PRDM15: variants seen among roughly 807,000 people sequenced by gnomAD.
The protein encoded by PRDM15 is PR domain zinc finger protein 15.
In PRDM15, 64 loss-of-function variants were observed where a neutral mutation model predicts 128.6. That is an observed-to-expected ratio of 0.50 (90% CI 0.41 to 0.61). The LOEUF is 0.61. Ranked by LOEUF, PRDM15 falls within the 20% of genes least tolerant of loss-of-function variation. The pLI, the probability that PRDM15 is intolerant of heterozygous loss-of-function variation, is 0.00. For synonymous variants in PRDM15, 615 were observed against 621.8 expected (o/e 0.99, Z 0.16); for missense variants, 1,242 against 1,569.1 (o/e 0.79, Z 3.52).
intron 14 of PRDM15, 98 bp from the exon 15 acceptor site, chr21:41,822,135 G>C: frequency 6.5e-7 from 1 of 1,531,542 alleles, no homozygotes; most frequent in Non-Finnish European, 8.9e-7. Flanking sequence ...CCCAGATGCA[G>C]AAGAAAATGC....
Position 41,854,471 on chromosome 21 carries a change from C to T in PRDM15, c.538+95G>A. 1 of 1,486,896 alleles carries T rather than the reference C, an allele frequency of 6.7e-7. No homozygotes were observed. The highest frequency in any genetic ancestry group is 9.1e-7 in the Non-Finnish European group (1 of 1,103,140). 92.1% of individuals were successfully genotyped at this position (1,486,896 alleles called of 1,614,324 possible). A position where few individuals can be genotyped will look rare whatever the true frequency, so the allele number is the denominator to read the frequency against. On this transcript the variant is annotated intron_variant, in intron 5 of 23. Transcript: ENST00000398548. This position sits in a 1 kb window ranked among gnomAD's most constrained non-coding sequence, Gnocchi z 4.6. ...CAGCAGCTGGCCCAGCCCAACCCAT[C>T]TCATCAGTGTGGGGTCAGCACAGAG...
At chr21:41,877,898 G>A (rs1029822566) in intron 1 of PRDM15, among the ~76,000 whole-genome samples, 1 of 152,244 alleles carries the variant, frequency 6.6e-6, no homozygotes, top group Non-Finnish European at 1.5e-5. Context: ...TTTTGCTCTT[G>A]AAAGTCTAAA....
intron 6 of PRDM15, among the ~76,000 whole-genome samples, chr21:41,841,034 G>A (rs2063059713): frequency 6.6e-6 from 1 of 152,090 alleles, no homozygotes; most frequent in Admixed American, 6.5e-5. Context: ...AAGACATGAA[G>A]TGTAATATAA....
chr21:41,844,084 C>T (rs1173715576), intron 6 of PRDM15, among the ~76,000 whole-genome samples: 3 of 151,960 alleles, frequency 2.0e-5, no homozygotes, highest in African/African-American at 7.3e-5. Context: ...AAAACCTCTT[C>T]AATAGCCCTT....
chr21:41,878,791 C>T (rs908849937), intron 1 of PRDM15: 41 of 1,308,464 alleles, frequency 3.1e-5, no homozygotes, highest in Non-Finnish European at 3.7e-5. Flanking sequence ...AACGACATCC[C>T]CTGGGGCCTC....
chr21:41,802,570 C>T (rs2146135609), intron 23 of PRDM15, 142 bp downstream of exon 23: 1 of 727,202 alleles, frequency 1.4e-6, no homozygotes, highest in Non-Finnish European at 2.4e-6. Context: ...AAGTGAAAAA[C>T]AGAATGTCTG....
intron 3 of PRDM15, among the ~76,000 whole-genome samples, chr21:41,857,828 G>A (rs771823823): frequency 5.3e-5 from 8 of 152,256 alleles, no homozygotes; most frequent in Non-Finnish European, 1.0e-4. Context: ...CTGAGGTTGT[G>A]ATGATGCCCT....
chr21:41,857,214 C>A lies in PRDM15; in HGVS notation c.247G>T (p.Val83Phe). 1 of 1,613,724 alleles carries A rather than the reference C, an allele frequency of 6.2e-7. No homozygotes were observed. Among genetic ancestry groups the A allele is most frequent in the Non-Finnish European group, 8.5e-7 (1 of 1,179,852 alleles). Residue 83 changes from valine to phenylalanine, a missense_variant, in exon 4 of 24, where the codon GTC becomes TTC. This residue lies in a region of PRDM15 where 612 missense variants were observed against 717.0 expected (regional missense o/e 0.85). Coordinates refer to ENST00000398548, the MANE Select transcript of PRDM15 (RefSeq NM_001040424.3). ...GCAGACTCCTTTTCCCATTTGGCGACCCTCCTGGACTCAAAGGGACCGAAC... is the reference window on the plus strand; with the variant it reads ...GCAGACTCCTTTTCCCATTTGGCGAACCTCCTGGACTCAAAGGGACCGAAC... ...TQFGPFESRR[V>F]AKWEKESAFP...
chr21:41,863,374 T>C (rs1036287605), intron 1 of PRDM15: 3 of 152,096 alleles, frequency 2.0e-5, no homozygotes, highest in Non-Finnish European at 4.4e-5. Flanking sequence ...GGCCCTGCAC[T>C]CTGTTTGCAA....
chr21:41,861,536 C>CG (rs2063809045), intron 1 of PRDM15: 2 of 1,532,066 alleles, frequency 1.3e-6, no homozygotes, highest in East Asian at 4.6e-5. Context: ...CCTCCTCTGC[C>CG]CCCCCCCAAT....
chr21:41,821,287 T>C lies in PRDM15; in HGVS notation c.1897-57A>G. The C allele has an allele frequency of 1.2e-6, 2 of 1,603,090 alleles. No homozygotes were observed. Among genetic ancestry groups the C allele is most frequent in the Non-Finnish European group, 1.7e-6 (2 of 1,173,532 alleles). ...ACCCGCATGAGGTCCCTGGTCCTCTTAGCTAATGAGGTCGTGTCCACAAAC... is the reference window on the plus strand; with the variant it reads ...ACCCGCATGAGGTCCCTGGTCCTCTCAGCTAATGAGGTCGTGTCCACAAAC... On this transcript the variant is annotated intron_variant, in intron 15 of 23. Transcript: ENST00000398548. This position sits in a 1 kb window ranked among gnomAD's most constrained non-coding sequence, Gnocchi z 5.4.
rs750609158 is a variant in PRDM15, at chr21:41,871,533, C to T, written c.-10+7737G>A. 52 of 1,610,986 alleles carry T rather than the reference C, an allele frequency of 3.2e-5. No individual in the cohort carries two copies. The highest frequency in any genetic ancestry group is 1.2e-4 in the Admixed American group (7 of 59,960). ...GGATTGCGTCGCAGGCCTGCACTCG[C>T]AGGGCTCAGTGGCTCAGTGTCGGAC... On this transcript the variant is annotated intron_variant, in intron 1 of 23. Transcript: ENST00000398548.
chr21:41,823,134 A>T, intron 14 of PRDM15, 184 bp downstream of exon 14: 1 of 757,606 alleles, frequency 1.3e-6, no homozygotes, highest in East Asian at 2.8e-5. Context: ...ACGAACCAGG[A>T]AGTGAGCCTC....
In PRDM15 at chr21:41,847,102, G is replaced by A; in HGVS notation, c.628C>T (p.Gln210Ter). ...KVCSATFLEL[Q>*]LLNEHLLGHL... ...ACGTCCTCCTTACCATTGAGGAGCTGCAGCTCCAGGAAGGTGGCAGAACAC... is the reference window on the plus strand; with the variant it reads ...ACGTCCTCCTTACCATTGAGGAGCTACAGCTCCAGGAAGGTGGCAGAACAC... Residue 210 changes from glutamine to a stop codon, truncating the protein, a stop_gained, in exon 6 of 24, where the codon CAG becomes TAG. Coordinates refer to ENST00000398548, the MANE Select transcript of PRDM15 (RefSeq NM_001040424.3). LOFTEE classifies it high-confidence loss of function. 6.4e-7 allele frequency: 1 copy of A among 1,550,604 alleles called. No homozygotes were observed. The highest frequency in any genetic ancestry group is 1.2e-5 in the South Asian group (1 of 84,052).
chr21:41,823,263 T>A, intron 14 of PRDM15, 55 bp downstream of exon 14: 1 of 1,588,690 alleles, frequency 6.3e-7, no homozygotes, highest in African/African-American at 1.3e-5. Context: ...TGACAGACGC[T>A]GGCCTGGGGG....
chr21:41,815,978 C>G, intron 18 of PRDM15, 142 bp from the exon 19 acceptor site: 1 of 1,035,596 alleles, frequency 9.7e-7, no homozygotes, highest in East Asian at 2.6e-5. Context: ...GGATCCCGGT[C>G]AGTCCACCAG....
rs2146392294 is a variant in PRDM15, at chr21:41,821,477, C to G, written c.1897-247G>C. On this transcript the variant is annotated intron_variant, in intron 15 of 23. Transcript: ENST00000398548. The surrounding 1 kb of genome is among the most constrained non-coding windows in gnomAD (Gnocchi z 5.4). ...CACCCTCCTTTTTGGAGAGCCCCTT[C>G]CATGCACAGGGGAGGCCTCGTGAGG... Among the ~76,000 whole-genome samples the G allele has an allele frequency of 1.3e-5, 2 of 152,288 alleles. No homozygotes were observed. The highest frequency in any genetic ancestry group is 4.1e-4 in the South Asian group (2 of 4,826).
In PRDM15 at chr21:41,802,759, C is replaced by T; in HGVS notation, c.2896G>A (p.Gly966Ser). 1.2e-6 allele frequency: 2 copies of T among 1,614,230 alleles called. No homozygotes were observed. The highest frequency in any genetic ancestry group is 1.7e-6 in the Non-Finnish European group (2 of 1,180,046). The change falls in exon 23 of 24, where the codon GGC (glycine) becomes AGC (serine). Residue 966 changes from glycine to serine, a missense_variant. Around this residue, in one of 3 missense-constraint regions of PRDM15, gnomAD observed 602 missense variants for 788.3 expected, o/e 0.76. Coordinates refer to ENST00000398548, the MANE Select transcript of PRDM15 (RefSeq NM_001040424.3). ...GAATTGGTCTCGTCGCCTACACTGC[C>T]TGTGAACTCCGTCTCTTTCTCTGAG... is the stretch of plus-strand genomic sequence containing the variant. ...EYSEKETEFTGSVGDETNSAV... is the reference protein window; with the variant it reads ...EYSEKETEFTSSVGDETNSAV...
Position 41,821,338 on chromosome 21 carries a change from C to T in PRDM15, c.1897-108G>A. 7.7e-7 allele frequency: 1 copy of T among 1,299,156 alleles called. No homozygotes were observed. Among genetic ancestry groups the T allele is most frequent in the Non-Finnish European group, 1.1e-6 (1 of 931,470 alleles). The allele number at this position is 1,299,156 out of a possible 1,614,324, so 80.5% of individuals were successfully genotyped here. The stretch of plus-strand genomic sequence containing the variant: ...CAGGGCACCCGACACGCCCTGAGAG[C>T]CCATGACTCATGCCAGGGTGGAAGG... On this transcript the variant is annotated intron_variant, in intron 15 of 23. Transcript: ENST00000398548. This position sits in a 1 kb window ranked among gnomAD's most constrained non-coding sequence, Gnocchi z 5.4.
Sources: allele counts gnomAD v4.1 joint callset (sites outside exome capture counted in the v4.1 genomes callset), GRCh38; gene constraint gnomAD v4.1.1; regional missense constraint gnomAD v4.1.1; non-coding constraint Gnocchi (gnomAD v3.1); transcripts MANE v1.5; gene names NCBI Gene and HGNC (gene_info 2026-07-23, HGNC 2026-07-21).